TRAM2: variants seen among roughly 807,000 people sequenced by gnomAD.
TRAM2 encodes translocation associated membrane protein 2, also known as translocating chain-associated membrane protein 2.
TRAM2 carries 12 observed loss-of-function variants against 51.0 expected under a neutral mutation model. The observed-to-expected ratio is 0.24, with a 90% CI of 0.15 to 0.38. The LOEUF is 0.38. Among genes scored for constraint, TRAM2 ranks in the 10% least tolerant of loss-of-function variants. The pLI, the probability that TRAM2 is intolerant of heterozygous loss-of-function variation, is 1.00. For missense variants in TRAM2, 361 were observed against 462.0 expected, an observed-to-expected ratio of 0.78 and a Z score of 2.00; for synonymous variants, 175 against 179.4, an observed-to-expected ratio of 0.98 and a Z score of 0.20.
chr6:52,500,733 T>A lies in TRAM2; in HGVS notation c.*2464A>T, dbSNP rs1020452824. Reference sequence around the variant, plus strand: ...GTCCTGGGACAGAGCAATGGAAACCTACAGGCATGAGAATGAGGGTTGCTT... The same window carrying A: ...GTCCTGGGACAGAGCAATGGAAACCAACAGGCATGAGAATGAGGGTTGCTT... On this transcript the variant is annotated 3_prime_UTR_variant, in exon 11 of 11. Coordinates refer to ENST00000182527, the MANE Select transcript of TRAM2 (RefSeq NM_012288.4). The A allele has an allele frequency of 2.6e-5, 4 of 152,180 alleles. No individual in the cohort carries two copies. The highest frequency in any genetic ancestry group is 9.7e-5 in the African/African-American group (4 of 41,428). The allele number at this position is 152,180 out of a possible 1,614,324, so 9.4% of individuals were successfully genotyped here. A position where few individuals can be genotyped will look rare whatever the true frequency, so the allele number is the denominator to read the frequency against.
rs1223649336 is a variant in TRAM2 at position 52,499,798 on chromosome 6, T to C, written c.*3399A>G. 1 of 152,134 alleles carries C rather than the reference T, an allele frequency of 6.6e-6. No individual in the cohort carries two copies. Among genetic ancestry groups the C allele is most frequent in the Non-Finnish European group, 1.5e-5 (1 of 68,068 alleles). The allele number at this position is 152,134 out of a possible 1,614,324, so 9.4% of individuals were successfully genotyped here. On this transcript the variant is annotated 3_prime_UTR_variant, in exon 11 of 11. Transcript: ENST00000182527. ...TGCCTTGGGACATGAACAGACAAGTTTCTCAGCAACCATTTCGGTCTGGTG... is the reference window on the plus strand; with the variant it reads ...TGCCTTGGGACATGAACAGACAAGTCTCTCAGCAACCATTTCGGTCTGGTG...
At chr6:52,530,901 A>G (rs1766877317) in intron 2 of TRAM2, among the ~76,000 whole-genome samples, 2 of 152,152 alleles carry the variant, frequency 1.3e-5, no homozygotes, top group South Asian at 4.1e-4. Flanking sequence ...CAGCAAAACA[A>G]AACCATCAAG....
At chr6:52,554,507 G>A (rs1169483207) in intron 1 of TRAM2, among the ~76,000 whole-genome samples, 6 of 124,786 alleles carry the variant, frequency 4.8e-5, no homozygotes, top group Non-Finnish European at 8.3e-5. Flanking sequence ...GCAACAGAGT[G>A]AGACCCCATC....
chr6:52,511,643 T>G (rs1203538473), intron 4 of TRAM2, among the ~76,000 whole-genome samples: 1 of 152,186 alleles, frequency 6.6e-6, no homozygotes, highest in Non-Finnish European at 1.5e-5. Context: ...TTTAGTTGTA[T>G]TTCCAAGTGA....
At chr6:52,563,726 T>C (rs976550210) in intron 1 of TRAM2, among the ~76,000 whole-genome samples, 24 of 149,630 alleles carry the variant, frequency 1.6e-4, no homozygotes, top group African/African-American at 4.7e-4. Flanking sequence ...AAGTGGTTAC[T>C]TGGGGACAGG....
chr6:52,532,033 C>T (rs141245059), intron 2 of TRAM2, among the ~76,000 whole-genome samples: 1 of 152,330 alleles, frequency 6.6e-6, no homozygotes, highest in African/African-American at 2.4e-5. Flanking sequence ...CTCCGCCTTA[C>T]TCAAACATTG....
chr6:52,498,019 T>C lies in TRAM2; in HGVS notation c.*5178A>G, dbSNP rs1581861888. On this transcript the variant is annotated 3_prime_UTR_variant, in exon 11 of 11. Transcript: ENST00000182527. ...AATGACTTAAGCCCCATCGTGAGAA[T>C]GGTTTTTTCCTCTTCAACACATTTT... The C allele has an allele frequency of 6.6e-6, 1 of 152,230 alleles. No homozygotes were observed. Among genetic ancestry groups the C allele is most frequent in the South Asian group, 2.1e-4 (1 of 4,824 alleles). 9.4% of individuals were successfully genotyped at this position (152,230 alleles called of 1,614,324 possible).
At chr6:52,562,713 C>G (rs1452841353) in intron 1 of TRAM2, among the ~76,000 whole-genome samples, 24 of 152,232 alleles carry the variant, frequency 1.6e-4, no homozygotes, top group Admixed American at 1.5e-3. Context: ...TCCCTTAGCC[C>G]CCCACCCCAC....
intron 1 of TRAM2, among the ~76,000 whole-genome samples, chr6:52,568,412 AAC>A (rs1318533928): frequency 1.3e-5 from 2 of 152,222 alleles, no homozygotes; most frequent in Non-Finnish European, 2.9e-5. Context: ...ACAAACTAAA[AAC>A]ACAGTCTCAA....
At chr6:52,533,279 TA>T (rs1411265099) in intron 2 of TRAM2, among the ~76,000 whole-genome samples, 1 of 152,230 alleles carries the variant, frequency 6.6e-6, no homozygotes, top group Non-Finnish European at 1.5e-5. Flanking sequence ...ACAATTTTTT[TA>T]AACTAAAAAA....
At chr6:52,568,512 G>A (rs1228485765) in intron 1 of TRAM2, among the ~76,000 whole-genome samples, 2 of 152,190 alleles carry the variant, frequency 1.3e-5, no homozygotes, top group African/African-American at 2.4e-5. Flanking sequence ...TGTGAGGCTC[G>A]CCCTGTGATT....
chr6:52,564,471 C>T (rs757307872), intron 1 of TRAM2, among the ~76,000 whole-genome samples: 5 of 152,150 alleles, frequency 3.3e-5, no homozygotes, highest in East Asian at 1.9e-4. Context: ...ATTCCCCCTG[C>T]GCCCAAGCCT....
chr6:52,541,177 G>T (rs978482846), intron 1 of TRAM2, among the ~76,000 whole-genome samples: 1 of 152,206 alleles, frequency 6.6e-6, no homozygotes, highest in Non-Finnish European at 1.5e-5. Flanking sequence ...CCAGCTGGGT[G>T]ACCTTGGGCA....
chr6:52,505,778 A>G (rs1366716249), intron 8 of TRAM2, 36 bp from the exon 9 acceptor site: 5 of 1,571,668 alleles, frequency 3.2e-6, no homozygotes, highest in Admixed American at 3.7e-5. Flanking sequence ...GTCAGTCTTT[A>G]GCGCCCTTGA....
chr6:52,546,969 G>C (rs550916058), intron 1 of TRAM2, among the ~76,000 whole-genome samples: 25 of 152,142 alleles, frequency 1.6e-4, no homozygotes, highest in Non-Finnish European at 2.1e-4. Context: ...AATGTGTGAA[G>C]TGTCCATCAG....
intron 2 of TRAM2, among the ~76,000 whole-genome samples, chr6:52,533,332 G>A (rs1464351165): frequency 6.6e-6 from 1 of 152,168 alleles, no homozygotes; most frequent in Non-Finnish European, 1.5e-5. Context: ...TCTGTTATTA[G>A]GATTTTCAAG....
chr6:52,505,047 T>C (rs890064574), intron 9 of TRAM2, among the ~76,000 whole-genome samples: 1 of 152,272 alleles, frequency 6.6e-6, no homozygotes, highest in Admixed American at 6.5e-5. Flanking sequence ...GGTCCATGGC[T>C]GTGTCTGTTT....
At chr6:52,570,727 T>A (rs1767662128) in intron 1 of TRAM2, among the ~76,000 whole-genome samples, 3 of 149,678 alleles carry the variant, frequency 2.0e-5, no homozygotes, top group Non-Finnish European at 4.4e-5. Flanking sequence ...GCAGCCCCTC[T>A]CCTAACCTTG....
intron 1 of TRAM2, among the ~76,000 whole-genome samples, chr6:52,558,510 C>T (rs138433137): frequency 1.5e-4 from 23 of 152,184 alleles, no homozygotes; most frequent in Admixed American, 2.6e-4. Context: ...CACTACTTAA[C>T]GGCACACTTA....
Sources: allele counts gnomAD v4.1 joint callset (sites outside exome capture counted in the v4.1 genomes callset), GRCh38; gene constraint gnomAD v4.1.1; transcripts MANE v1.5; gene names NCBI Gene and HGNC (gene_info 2026-07-23, HGNC 2026-07-21).